The following TMEM117 variants were observed in gnomAD, a reference collection of about 807,000 sequenced individuals.
The protein encoded by TMEM117 is transmembrane protein 117.
A neutral mutation model predicts 52.4 loss-of-function variants in TMEM117; 27 were observed. That is an observed-to-expected ratio of 0.51 (90% CI 0.38 to 0.71). The LOEUF (loss-of-function observed/expected upper bound fraction) is 0.71. Among genes scored for constraint, TMEM117 ranks in the 30% least tolerant of loss-of-function variants. The probability of loss-of-function intolerance (pLI) is 0.00; values close to 1 mark genes in which losing one functional copy is unlikely to be tolerated. For missense variants in TMEM117, 556 were observed against 630.5 expected (o/e 0.88, Z 1.26); for synonymous variants, 215 against 206.3 (o/e 1.04, Z -0.36).
chr12:44,168,660 A>G (rs1398571712), intron 4 of TMEM117, among the ~76,000 whole-genome samples: 1 of 152,184 alleles, frequency 6.6e-6, no homozygotes. Flanking sequence ...AAAGTTCCCA[A>G]AATTAGAACT....
intron 2 of TMEM117, among the ~76,000 whole-genome samples, chr12:43,897,552 A>T (rs991467551): frequency 1.3e-4 from 19 of 151,718 alleles, no homozygotes; most frequent in African/African-American, 4.6e-4. Context: ...TGAACTCGTG[A>T]TCCGCCCGCC....
intron 3 of TMEM117, among the ~76,000 whole-genome samples, chr12:44,005,006 T>C (rs190256479): frequency 3.3e-5 from 5 of 152,310 alleles, no homozygotes; most frequent in Admixed American, 6.5e-5. Context: ...ACAAAGCTTA[T>C]TTTCTAATAA....
intron 3 of TMEM117, among the ~76,000 whole-genome samples, chr12:43,975,109 G>C: frequency 6.6e-6 from 1 of 152,240 alleles, no homozygotes; most frequent in South Asian, 2.1e-4. Context: ...CCATGACCTA[G>C]TTCTTAACCT....
chr12:44,364,344 A>G (rs898442306), intron 6 of TMEM117, among the ~76,000 whole-genome samples: 12 of 152,260 alleles, frequency 7.9e-5, no homozygotes, highest in African/African-American at 2.9e-4. Context: ...GATAATTTTT[A>G]CCACCTTCAG....
chr12:43,919,765 T>C (rs1177287848), intron 2 of TMEM117, among the ~76,000 whole-genome samples: 2 of 151,658 alleles, frequency 1.3e-5, no homozygotes, highest in South Asian at 2.1e-4. Context: ...CAGTAGTGTG[T>C]AAGGATTCCA....
chr12:44,006,791 G>A (rs1329767073), intron 3 of TMEM117, among the ~76,000 whole-genome samples: 17 of 152,052 alleles, frequency 1.1e-4, no homozygotes, highest in Non-Finnish European at 1.9e-4. Flanking sequence ...CTTGTGCTAA[G>A]CACTGAAGAT....
intron 2 of TMEM117, among the ~76,000 whole-genome samples, chr12:43,863,957 C>T (rs918257808): frequency 2.0e-5 from 3 of 152,182 alleles, no homozygotes; most frequent in Non-Finnish European, 2.9e-5. Flanking sequence ...GCTAGAGTTC[C>T]GGGTGGGCAT....
At chr12:44,027,553 G>A (rs1946562485) in intron 3 of TMEM117, among the ~76,000 whole-genome samples, 1 of 152,166 alleles carries the variant, frequency 6.6e-6, no homozygotes, top group Non-Finnish European at 1.5e-5. Flanking sequence ...TCCATTTGCA[G>A]TTATCTGATG....
Position 44,004,598 on chromosome 12 carries a change from G to A in TMEM117, c.410+60256G>A, listed in dbSNP as rs78836705. Among the ~76,000 whole-genome samples the A allele has an allele frequency of 6.6e-5, 10 of 152,022 alleles. No individual in the cohort carries two copies. In the South Asian group the frequency reaches 8.3e-4, roughly 13 times the overall value. On this transcript the variant is annotated intron_variant, in intron 3 of 7. Coordinates refer to ENST00000266534, the MANE Select transcript of TMEM117 (RefSeq NM_032256.3). The stretch of plus-strand genomic sequence containing the variant: ...TAATGAGATCTTTTCCTCCCAGATC[G>A]CTTCCTCCTCTTGGCTTAGCATTTT...
At chr12:44,374,616 TTGTGTGTGTGTG>T (rs5742462) in intron 6 of TMEM117, among the ~76,000 whole-genome samples, 25 of 144,910 alleles carry the variant, frequency 1.7e-4, no homozygotes, top group South Asian at 2.3e-4. Flanking sequence ...AAGGAACTAT[TTGTGTGTGTGTG>T]TGTGTGTGTG....
At chr12:43,814,724 T>C in the TMEM117 span, among the ~76,000 whole-genome samples, 1 of 150,404 alleles carries the variant, frequency 6.6e-6, no homozygotes, top group Non-Finnish European at 1.5e-5. Flanking sequence ...GGTCAGACAG[T>C]CCTGGGTTTG....
intron 6 of TMEM117, among the ~76,000 whole-genome samples, chr12:44,361,246 C>A (rs945118796): frequency 6.6e-6 from 1 of 152,096 alleles, no homozygotes; most frequent in Non-Finnish European, 1.5e-5. Context: ...ACAGCTACAT[C>A]CTACTCCTGT....
the TMEM117 span, among the ~76,000 whole-genome samples, chr12:43,814,874 A>G: frequency 6.6e-6 from 1 of 150,922 alleles, no homozygotes; most frequent in South Asian, 2.1e-4. Flanking sequence ...CCTCTCGAGT[A>G]GCTGGGATTA....
intron 2 of TMEM117, among the ~76,000 whole-genome samples, chr12:43,932,618 C>T (rs1395237414): frequency 6.6e-6 from 1 of 152,192 alleles, no homozygotes; most frequent in African/African-American, 2.4e-5. Flanking sequence ...ATTTGAGCTA[C>T]TTACACCTCA....
chr12:44,139,693 T>C (rs979447071), intron 3 of TMEM117, among the ~76,000 whole-genome samples: 3 of 152,128 alleles, frequency 2.0e-5, no homozygotes, highest in Non-Finnish European at 2.9e-5. Flanking sequence ...AAAGGATGTA[T>C]GAGTTGTTAA....
chr12:43,889,449 C>T (rs1944061692), intron 2 of TMEM117, among the ~76,000 whole-genome samples: 1 of 152,170 alleles, frequency 6.6e-6, no homozygotes, highest in Non-Finnish European at 1.5e-5. Flanking sequence ...GGTTCACACT[C>T]TTATGAGAAT....
At chr12:43,988,221 T>C (rs1207929905) in intron 3 of TMEM117, among the ~76,000 whole-genome samples, 3 of 152,056 alleles carry the variant, frequency 2.0e-5, no homozygotes, top group Non-Finnish European at 4.4e-5. Flanking sequence ...ATTGGGCACG[T>C]TGGATTCACC....
intron 2 of TMEM117, among the ~76,000 whole-genome samples, chr12:43,933,325 C>T (rs528999073): frequency 2.6e-5 from 4 of 151,920 alleles, no homozygotes; most frequent in East Asian, 1.9e-4. Context: ...CTCAGCCTCC[C>T]GAGTAGCTGG....
intron 3 of TMEM117, among the ~76,000 whole-genome samples, chr12:44,018,998 A>T (rs1946415306): frequency 6.6e-6 from 1 of 152,146 alleles, no homozygotes; most frequent in Non-Finnish European, 1.5e-5. Context: ...CACTGTGCCC[A>T]GCCGATTAAC....
Sources: allele counts gnomAD v4.1 joint callset (sites outside exome capture counted in the v4.1 genomes callset), GRCh38; gene constraint gnomAD v4.1.1; transcripts MANE v1.5; gene names NCBI Gene and HGNC (gene_info 2026-07-23, HGNC 2026-07-21).